EYS: variants seen among roughly 807,000 people sequenced by gnomAD.
EYS encodes protein eyes shut homolog.
A neutral mutation model predicts 282.1 loss-of-function variants in EYS; 250 were observed. That is an observed-to-expected ratio of 0.89 (90% CI 0.80 to 0.98). The LOEUF (loss-of-function observed/expected upper bound fraction) is 0.98, where lower values mean the gene tolerates loss of function less well. Among genes scored for constraint, EYS ranks in the 50% least tolerant of loss-of-function variants. The pLI is 0.00. For synonymous variants in EYS, 1,355 were observed against 1,282.9 expected (o/e 1.06, Z -1.20); for missense variants, 4,016 against 3,709.0 (o/e 1.08, Z -2.15).
intron 28 of EYS, among the ~76,000 whole-genome samples, chr6:64,402,369 T>G (rs1322824725): frequency 6.6e-6 from 1 of 152,238 alleles, no homozygotes; most frequent in Non-Finnish European, 1.5e-5. Context: ...AAACTTAGGC[T>G]TTTGATTAAG....
intron 5 of EYS, among the ~76,000 whole-genome samples, chr6:65,472,593 G>C (rs1466594151): frequency 6.6e-6 from 1 of 151,788 alleles, no homozygotes; most frequent in East Asian, 1.9e-4. Context: ...CAATAATATA[G>C]CACATAAACA....
At chr6:65,593,187 T>C (rs1369770226) in intron 2 of EYS, among the ~76,000 whole-genome samples, 1 of 152,076 alleles carries the variant, frequency 6.6e-6, no homozygotes, top group Non-Finnish European at 1.5e-5. Context: ...GACATAAATG[T>C]CATCTGTCTT....
At chr6:65,042,798 A>G (rs1182848041) in intron 13 of EYS, among the ~76,000 whole-genome samples, 1 of 151,122 alleles carries the variant, frequency 6.6e-6, no homozygotes, top group Non-Finnish European at 1.5e-5. Context: ...ACTTGGTGCT[A>G]TTTCCCTTTA....
intron 31 of EYS, among the ~76,000 whole-genome samples, chr6:64,230,319 T>A (rs1210357859): frequency 6.6e-6 from 1 of 152,182 alleles, no homozygotes; most frequent in Non-Finnish European, 1.5e-5. Flanking sequence ...AGTAACTACA[T>A]AAAAAACACT....
At chr6:65,013,754 A>G (rs1253736854) in intron 13 of EYS, among the ~76,000 whole-genome samples, 2 of 152,136 alleles carry the variant, frequency 1.3e-5, no homozygotes, top group Non-Finnish European at 2.9e-5. Flanking sequence ...CCCAGCTACT[A>G]CTTGGGAGGC....
At chr6:63,802,613 G>A (rs1043478879) in intron 37 of EYS, among the ~76,000 whole-genome samples, 2 of 152,064 alleles carry the variant, frequency 1.3e-5, no homozygotes, top group East Asian at 3.9e-4. Flanking sequence ...TATGTGTGAA[G>A]AGCTCTTATT....
chr6:63,720,467 T>C lies in EYS; in HGVS notation c.*129A>G. ...ACATTTTACAATCTTATCAAAAAGATATGTTAGCATTTAGACTATTTCAGG... is the reference window on the plus strand; with the variant it reads ...ACATTTTACAATCTTATCAAAAAGACATGTTAGCATTTAGACTATTTCAGG... On this transcript the variant is annotated 3_prime_UTR_variant, in exon 43 of 43. Transcript: ENST00000503581. 1.6e-6 allele frequency: 1 copy of C among 637,402 alleles called. No homozygotes were observed. The highest frequency in any genetic ancestry group is 2.5e-6 in the Non-Finnish European group (1 of 396,850). The allele number at this position is 637,402 out of a possible 1,614,324, so 39.5% of individuals were successfully genotyped here.
intron 36 of EYS, among the ~76,000 whole-genome samples, chr6:63,832,474 G>A (rs1771670792): frequency 6.6e-6 from 1 of 152,118 alleles, no homozygotes; most frequent in African/African-American, 2.4e-5. Context: ...AGAAGAAATG[G>A]ATAAATTCCT....
intron 35 of EYS, among the ~76,000 whole-genome samples, chr6:63,972,809 G>A (rs772818335): frequency 1.3e-5 from 2 of 152,004 alleles, no homozygotes; most frequent in Non-Finnish European, 2.9e-5. Context: ...TCTGTTCTGT[G>A]TTAGTTTAGA....
At chr6:65,550,342 T>TTTTATTTTTTTATTTA (rs1582445247) in intron 2 of EYS, among the ~76,000 whole-genome samples, 1 of 31,420 alleles carries the variant, frequency 3.2e-5, no homozygotes, top group Non-Finnish European at 4.7e-5. Flanking sequence ...TTTATTTATT[T>TTTTATTTTTTTATTTA]TTTTTTTTAT....
chr6:64,054,589 A>G (rs1418070423), intron 33 of EYS, among the ~76,000 whole-genome samples: 2 of 152,132 alleles, frequency 1.3e-5, no homozygotes, highest in African/African-American at 4.8e-5. Flanking sequence ...TTGATTTGAG[A>G]GTGACCTCAT....
At chr6:64,248,781 G>A (rs1295145688) in intron 30 of EYS, among the ~76,000 whole-genome samples, 1 of 152,128 alleles carries the variant, frequency 6.6e-6, no homozygotes, top group African/African-American at 2.4e-5. Flanking sequence ...TCGGCCGGGT[G>A]CAGTGGCTCA....
intron 22 of EYS, among the ~76,000 whole-genome samples, chr6:64,707,704 G>A (rs1771080138): frequency 6.8e-6 from 1 of 148,110 alleles, no homozygotes; most frequent in African/African-American, 2.5e-5. Flanking sequence ...TGGGTACAGT[G>A]TACACTGCTT....
chr6:65,157,408 C>G (rs1475238275), intron 12 of EYS, among the ~76,000 whole-genome samples: 1 of 150,686 alleles, frequency 6.6e-6, no homozygotes, highest in African/African-American at 2.4e-5. Context: ...TATTTCTATA[C>G]TTACCTACCA....
chr6:64,227,764 C>T (rs1554220185), intron 31 of EYS, among the ~76,000 whole-genome samples: 1 of 151,986 alleles, frequency 6.6e-6, no homozygotes, highest in Non-Finnish European at 1.5e-5. Context: ...TGATTGTACT[C>T]AATAAGGGAT....
At chr6:64,576,365 T>C (rs962861433) in intron 26 of EYS, among the ~76,000 whole-genome samples, 1 of 152,106 alleles carries the variant, frequency 6.6e-6, no homozygotes, top group Admixed American at 6.6e-5. Context: ...CCCAGGTTTT[T>C]AGAACGTTAA....
intron 28 of EYS, among the ~76,000 whole-genome samples, chr6:64,389,522 T>A (rs536070891): frequency 6.6e-6 from 1 of 152,352 alleles, no homozygotes; most frequent in East Asian, 1.9e-4. Context: ...ATCTTGCCTG[T>A]CATCTCTAAG....
intron 28 of EYS, among the ~76,000 whole-genome samples, chr6:64,435,173 A>T (rs973024526): frequency 2.6e-5 from 4 of 152,100 alleles, no homozygotes; most frequent in Non-Finnish European, 4.4e-5. Flanking sequence ...CATTAAGAAA[A>T]AAAAGAAAAA....
chr6:64,540,457 G>A (rs1348640817), intron 26 of EYS, among the ~76,000 whole-genome samples: 1 of 149,416 alleles, frequency 6.7e-6, no homozygotes, highest in Non-Finnish European at 1.5e-5. Context: ...AGAAATTGAT[G>A]CTGAGGTCCA....
Sources: gnomAD v4.1 joint callset for allele counts (sites outside exome capture counted in the v4.1 genomes callset) on GRCh38, gnomAD v4.1.1 for gene constraint, MANE v1.5 for transcripts, NCBI Gene and HGNC (gene_info 2026-07-23, HGNC 2026-07-21) for gene names.